NAV1: variants seen among roughly 807,000 people sequenced by gnomAD.
NAV1 encodes the protein pore membrane and/or filament interacting like protein 3.
A neutral mutation model predicts 175.2 loss-of-function variants in NAV1; 18 were observed. The observed-to-expected ratio is 0.10, with a 90% confidence interval of 0.07 to 0.15. The LOEUF is 0.15. Among genes scored for constraint, NAV1 ranks in the 10% least tolerant of loss-of-function variants. The probability of loss-of-function intolerance (pLI) is 1.00; values close to 1 mark genes in which losing one functional copy is unlikely to be tolerated. For synonymous variants in NAV1, 897 were observed against 978.7 expected, an observed-to-expected ratio of 0.92 and a Z score of 1.56; for missense variants, 1,731 against 2,436.6, an observed-to-expected ratio of 0.71 and a Z score of 6.10.
At chr1:201,605,126 C>G (rs1434708138) in intron 2 of NAV1, among the ~76,000 whole-genome samples, 4 of 149,500 alleles carry the variant, frequency 2.7e-5, no homozygotes, top group Non-Finnish European at 5.9e-5. Context: ...TTTCTGGCTT[C>G]TGCTTTTTTT....
chr1:201,782,866 T>G lies in NAV1; in HGVS notation c.2354T>G (p.Leu785Arg). 6.4e-7 allele frequency: 1 copy of G among 1,568,740 alleles called. No individual in the cohort carries two copies. Among genetic ancestry groups the G allele is most frequent in the Non-Finnish European group, 8.6e-7 (1 of 1,158,352 alleles). The change falls in exon 6 of 30, where the codon CTC becomes CGC. Residue 785 changes from leucine (L) to arginine (R), a missense_variant. By Grantham distance (102) the Leu-to-Arg change is moderately radical. Around this residue, in one of 13 missense-constraint regions of NAV1, gnomAD observed 634 missense variants for 766.8 expected, o/e 0.83. Coordinates refer to ENST00000367296, the Ensembl canonical transcript of NAV1. The surrounding 1 kb of genome is among the most constrained non-coding windows in gnomAD (Gnocchi z 5.4). ...CTGGCAGAGCTGCCACCAACCCCTC[T>G]CAGGTACCCAATGTGGGCAGCCGCC...
At chr1:201,587,421 C>T (rs1667066980) in intron 1 of NAV1, among the ~76,000 whole-genome samples, 1 of 152,058 alleles carries the variant, frequency 6.6e-6, no homozygotes, top group African/African-American at 2.4e-5. Flanking sequence ...CATGGTGGCT[C>T]ATGTCTGTAA....
intron 13 of NAV1, chr1:201,793,335 GAAGAA>G: frequency 1.3e-5 from 2 of 154,966 alleles, no homozygotes; most frequent in Non-Finnish European, 2.9e-5. Context: ...AGCAGAGGAG[GAAGAA>G]ACGCACCAAA....
chr1:201,718,271 T>A lies in NAV1; in HGVS notation c.861-119T>A. 1 of 1,096,200 alleles carries A rather than the reference T, an allele frequency of 9.1e-7. No individual in the cohort carries two copies. 67.9% of individuals were successfully genotyped at this position (1,096,200 alleles called of 1,614,324 possible). On this transcript the variant is annotated intron_variant, in intron 2 of 29. Coordinates refer to ENST00000367296, the Ensembl canonical transcript of NAV1. This position sits in a 1 kb window ranked among gnomAD's most constrained non-coding sequence, Gnocchi z 4.8. ...ATGGAGGAGGTGGAGCTTGGGCAGG[T>A]GGGGAGGAGGTGACAGGGCCTGTGG... is the stretch of plus-strand genomic sequence containing the variant.
At chr1:201,799,178 G>GTGTGTGTA (rs1290417435) in intron 15 of NAV1, among the ~76,000 whole-genome samples, 2 of 150,562 alleles carry the variant, frequency 1.3e-5, no homozygotes, top group African/African-American at 4.9e-5. Context: ...TCAAGAAACT[G>GTGTGTGTA]TGTGTGTGTG....
At chr1:201,671,017 G>T (rs1442361282) in intron 1 of NAV1, among the ~76,000 whole-genome samples, 1 of 152,204 alleles carries the variant, frequency 6.6e-6, no homozygotes, top group Non-Finnish European at 1.5e-5. Context: ...GGCAAGGTTA[G>T]TAAAGGACAC....
At chr1:201,669,002 G>T (rs560028774) in intron 1 of NAV1, among the ~76,000 whole-genome samples, 1 of 152,196 alleles carries the variant, frequency 6.6e-6, no homozygotes. Flanking sequence ...GCTGGACCTA[G>T]GGTAGGAAAA....
At chr1:201,606,851 T>C (rs1355552650) in intron 2 of NAV1, among the ~76,000 whole-genome samples, 2 of 152,222 alleles carry the variant, frequency 1.3e-5, no homozygotes, top group Non-Finnish European at 2.9e-5. Flanking sequence ...ACAGATGTAA[T>C]GAGTCAAATA....
At position 201,808,686 on chromosome 1, in the gene NAV1, G is replaced by C. The variant is rs1678480030; in HGVS notation, c.4039-17G>C. The C allele has an allele frequency of 2.5e-6, 4 of 1,614,216 alleles. No homozygotes were observed. Among genetic ancestry groups the C allele is most frequent in the East Asian group, 2.2e-5 (1 of 44,884 alleles). On this transcript the variant is annotated splice_polypyrimidine_tract_variant and intron_variant, in intron 19 of 29. Transcript: ENST00000367296. This position sits in a 1 kb window ranked among gnomAD's most constrained non-coding sequence, Gnocchi z 5.5. ...TCTGTCCAGTCTGCCACCCTACCCT[G>C]TCTGTTCTTGCCACAGTTGGAGGTG...
intron 28 of NAV1, among the ~76,000 whole-genome samples, chr1:201,815,856 A>C (rs1678998501): frequency 6.6e-6 from 1 of 152,086 alleles, no homozygotes; most frequent in African/African-American, 2.4e-5. Context: ...CTCCTGCCTC[A>C]GCCTCCCAAG....
In NAV1 at chr1:201,707,295, C is replaced by T. The variant is rs138472545; in HGVS notation, c.758-5522C>T. ...CTCAGTGCCAGCCCGAGGGTGCACC[C>T]GTTGTTCACCCACCTCTTTGTGCCT... On this transcript the variant is annotated intron_variant, in intron 1 of 29. Transcript: ENST00000367296. Among the ~76,000 whole-genome samples, 519 of 152,304 alleles carry T rather than the reference C, an allele frequency of 3.4e-3. 5 individuals are homozygous for T. Among genetic ancestry groups the T allele is most frequent in the Middle Eastern group, 0.014 (4 of 294 alleles).
At chr1:201,549,181 T>TTTCC (rs911850880) in intron 1 of NAV1, among the ~76,000 whole-genome samples, 126 of 151,060 alleles carry the variant, frequency 8.3e-4, no homozygotes, top group African/African-American at 2.9e-3. Context: ...CCTTCTTTTC[T>TTTCC]TTCCTTCCTT....
intron 3 of NAV1, among the ~76,000 whole-genome samples, chr1:201,730,924 A>T (rs1672829479): frequency 6.6e-6 from 1 of 152,160 alleles, no homozygotes; most frequent in African/African-American, 2.4e-5. Context: ...GGACTTACCT[A>T]CGGAAGTGTT....
At chr1:201,777,507 G>C (rs140829381) in intron 3 of NAV1, among the ~76,000 whole-genome samples, 2,600 of 149,658 alleles carry the variant, frequency 0.017, 79 homozygotes, top group African/African-American at 0.059. Flanking sequence ...TGCCCAGGCT[G>C]GTCTTGAACA....
At chr1:201,809,358 C>T in intron 21 of NAV1, 84 bp from the exon 26 acceptor site, 2 of 1,586,394 alleles carry the variant, frequency 1.3e-6, no homozygotes, top group Non-Finnish European at 8.6e-7. Context: ...AACCAAAGAA[C>T]TCAACTCCTA....
At chr1:201,719,758 TAGC>T (rs1452992277) in intron 3 of NAV1, 1 of 152,516 alleles carries the variant, frequency 6.6e-6, no homozygotes, top group African/African-American at 2.4e-5. Flanking sequence ...GCCATACAAG[TAGC>T]AGCAGCATCC....
exon 1 of NAV1, chr1:201,648,925 G>A: frequency 6.2e-7 from 1 of 1,612,916 alleles, no homozygotes; most frequent in South Asian, 1.1e-5. Context: ...TCCAACCTGC[G>A]CAAGCAGAAG....
rs977576479 is a variant in NAV1, at chr1:201,623,206, A to G, written c.-501A>G. On this transcript the variant is annotated 5_prime_UTR_variant, in exon 1 of 30. Coordinates refer to the NAV1 transcript ENST00000367302. ...ATGGAATAGTCCCAGGACAACCCCG[A>G]AAGCAGCCCTCTCCAGCCGGGCTGG... 7.3e-5 allele frequency: 72 copies of G among 985,838 alleles called. No homozygotes were observed. The African/African-American group carries it at 1.1e-3, about 15-fold the overall frequency. 61.1% of individuals were successfully genotyped at this position (985,838 alleles called of 1,614,324 possible).
chr1:201,739,781 G>A, intron 3 of NAV1: 1 of 1,218,920 alleles, frequency 8.2e-7, no homozygotes, highest in Non-Finnish European at 1.0e-6. Context: ...TGCATCGCCG[G>A]GGCTCGGGAC....
Sources: gnomAD v4.1 joint callset for allele counts (sites outside exome capture counted in the v4.1 genomes callset) on GRCh38, gnomAD v4.1.1 for gene constraint, gnomAD v4.1.1 regional missense constraint, Gnocchi (gnomAD v3.1) non-coding constraint, MANE v1.5 for transcripts, NCBI Gene and HGNC (gene_info 2026-07-23, HGNC 2026-07-21) for gene names.